COL24A1: variants seen among roughly 807,000 people sequenced by gnomAD.
COL24A1 encodes the protein collagen type XXIV alpha 1 chain.
In COL24A1, 224 loss-of-function variants were observed where a neutral mutation model predicts 253.9. The ratio of observed to expected loss-of-function variants is 0.88; its 90% CI spans 0.79 to 0.99. COL24A1 has a LOEUF of 0.99. Ranked by LOEUF, COL24A1 falls within the 50% of genes least tolerant of loss-of-function variation. COL24A1 has a pLI of 0.00. For synonymous variants in COL24A1, 685 were observed against 673.7 expected (o/e 1.02, Z -0.26); for missense variants, 2,131 against 2,068.5 (o/e 1.03, Z -0.59).
chr1:86,114,544 A>G (rs1705937839), intron 4 of COL24A1, among the ~76,000 whole-genome samples: 1 of 152,192 alleles, frequency 6.6e-6, no homozygotes, highest in South Asian at 2.1e-4. Flanking sequence ...TAGGTCATCA[A>G]CTACAGAGAA....
chr1:85,927,351 C>T (rs1414783689), intron 24 of COL24A1, among the ~76,000 whole-genome samples: 2 of 151,784 alleles, frequency 1.3e-5, no homozygotes, highest in Admixed American at 1.3e-4. Context: ...GTCACTCCCA[C>T]CCGAATATTG....
At chr1:86,066,972 A>G (rs769144241) in intron 7 of COL24A1, among the ~76,000 whole-genome samples, 9 of 152,032 alleles carry the variant, frequency 5.9e-5, no homozygotes, top group Non-Finnish European at 8.8e-5. Flanking sequence ...ACCCGTCTCT[A>G]TTAAAAATAC....
intron 20 of COL24A1, among the ~76,000 whole-genome samples, chr1:85,973,262 C>A (rs940716687): frequency 6.6e-6 from 1 of 152,094 alleles, no homozygotes; most frequent in Non-Finnish European, 1.5e-5. Context: ...GCTCAATTAA[C>A]AGCACAATAT....
At chr1:85,883,131 GTCTTTAT>G (rs1682057970) in intron 32 of COL24A1, among the ~76,000 whole-genome samples, 1 of 151,986 alleles carries the variant, frequency 6.6e-6, no homozygotes, top group African/African-American at 2.4e-5. Context: ...TTCATTTGTT[GTCTTTAT>G]TCTTTATTGC....
chr1:85,761,067 A>G (rs2101098941), intron 55 of COL24A1, among the ~76,000 whole-genome samples: 1 of 152,258 alleles, frequency 6.6e-6, no homozygotes, highest in South Asian at 2.1e-4. Flanking sequence ...AAAAAAGGAG[A>G]GTGAAGATGT....
intron 18 of COL24A1, among the ~76,000 whole-genome samples, chr1:86,019,563 AT>A (rs5775880): frequency 0.31 from 47,139 of 150,772 alleles, 7,864 homozygotes; most frequent in Middle Eastern, 0.51. Context: ...GTCTCTAAAA[AT>A]TTTTTTTTTA....
chr1:86,117,803 A>T (rs1235677296), intron 3 of COL24A1, among the ~76,000 whole-genome samples: 3 of 152,220 alleles, frequency 2.0e-5, no homozygotes, highest in African/African-American at 7.2e-5. Flanking sequence ...TTTGTTATTA[A>T]GAGAAAGTAC....
chr1:86,025,266 G>A (rs141650542), intron 14 of COL24A1, among the ~76,000 whole-genome samples: 185 of 152,272 alleles, frequency 1.2e-3, no homozygotes, highest in African/African-American at 2.1e-3. Flanking sequence ...ACTTTCATGC[G>A]TGGGAGCCTT....
chr1:85,945,002 GTTTTTTTTTTTTTTT>G (rs1165341082), intron 24 of COL24A1, among the ~76,000 whole-genome samples: 4 of 35,366 alleles, frequency 1.1e-4, no homozygotes, highest in African/African-American at 2.4e-4. Flanking sequence ...CTATCATTGT[GTTTTTTTTTTTTTTT>G]TTTTTTTTTT....
At chr1:86,136,769 T>C (rs997451131) in intron 2 of COL24A1, among the ~76,000 whole-genome samples, 28 of 152,096 alleles carry the variant, frequency 1.8e-4, no homozygotes, top group African/African-American at 6.5e-4. Context: ...CATGGCAGTA[T>C]TACTTTTACC....
chr1:85,733,063 T>C (rs1411567780), intron 59 of COL24A1, among the ~76,000 whole-genome samples: 2 of 152,188 alleles, frequency 1.3e-5, no homozygotes, highest in African/African-American at 2.4e-5. Context: ...ACTGTACAAG[T>C]TAAATAAATT....
chr1:85,761,465 G>A (rs1666840563), intron 54 of COL24A1, 43 bp from the exon 55 acceptor site: 2 of 1,613,550 alleles, frequency 1.2e-6, no homozygotes, highest in Non-Finnish European at 1.7e-6. Context: ...TTATTTAGTA[G>A]ACATCTTAAA....
chr1:85,993,641 G>A (rs1284353545), intron 19 of COL24A1, among the ~76,000 whole-genome samples: 1 of 151,974 alleles, frequency 6.6e-6, no homozygotes, highest in Non-Finnish European at 1.5e-5. Context: ...CTTGATCTTG[G>A]TGATGGTTTC....
intron 23 of COL24A1, among the ~76,000 whole-genome samples, chr1:85,964,392 T>C (rs2100704089): frequency 6.6e-6 from 1 of 152,282 alleles, no homozygotes; most frequent in Middle Eastern, 3.4e-3. Flanking sequence ...TGAATATTAC[T>C]TAGACTCACT....
At chr1:85,863,958 G>A (rs1679473328) in intron 37 of COL24A1, among the ~76,000 whole-genome samples, 1 of 152,194 alleles carries the variant, frequency 6.6e-6, no homozygotes, top group South Asian at 2.1e-4. Flanking sequence ...TGGTGGGACT[G>A]TAACCTAGTT....
chr1:85,784,986 C>T (rs1383508733), intron 48 of COL24A1, among the ~76,000 whole-genome samples: 1 of 152,100 alleles, frequency 6.6e-6, no homozygotes, highest in Admixed American at 6.6e-5. Context: ...CTGCATTAGC[C>T]TCCCAAAGTG....
intron 26 of COL24A1, among the ~76,000 whole-genome samples, chr1:85,909,645 C>T (rs994740633): frequency 5.3e-5 from 8 of 151,680 alleles, no homozygotes; most frequent in African/African-American, 1.9e-4. Flanking sequence ...TTATACAATC[C>T]GAAGAGAAAT....
At chr1:86,075,521 G>A (rs527548086) in intron 7 of COL24A1, among the ~76,000 whole-genome samples, 2 of 152,240 alleles carry the variant, frequency 1.3e-5, no homozygotes, top group South Asian at 4.1e-4. Context: ...GAAAAAGAGG[G>A]ACTCCTCCTT....
At chr1:85,773,462 G>C (rs548604463) in intron 53 of COL24A1, among the ~76,000 whole-genome samples, 1 of 152,170 alleles carries the variant, frequency 6.6e-6, no homozygotes, top group Admixed American at 6.5e-5. Flanking sequence ...ACTTTAGGCA[G>C]TATGGCCATT....
Sources: allele counts gnomAD v4.1 joint callset (sites outside exome capture counted in the v4.1 genomes callset), GRCh38; gene constraint gnomAD v4.1.1; transcripts MANE v1.5; gene names NCBI Gene and HGNC (gene_info 2026-07-23, HGNC 2026-07-21).